FBXO31: variants seen among roughly 807,000 people sequenced by gnomAD.
The protein encoded by FBXO31 is F-box protein 31.
A neutral mutation model predicts 54.4 loss-of-function variants in FBXO31; 24 were observed. The ratio of observed to expected loss-of-function variants is 0.44; its 90% CI spans 0.32 to 0.62. FBXO31 has a LOEUF of 0.62. FBXO31 is among the 20% of genes least tolerant of loss of function. The pLI, the probability that FBXO31 is intolerant of heterozygous loss-of-function variation, is 0.05. For synonymous variants in FBXO31, 388 were observed against 335.6 expected, an observed-to-expected ratio of 1.16 and a Z score of -1.71; for missense variants, 665 against 787.1, an observed-to-expected ratio of 0.84 and a Z score of 1.86.
rs867803375 is a variant in FBXO31 at position 87,383,753 on chromosome 16, G to A, written c.-9C>T. ...CGAGCACACACCGCCATGCCGCCCAGTGACGGCCACTGCTGCCGCCTGTGC... is the reference window on the plus strand; with the variant it reads ...CGAGCACACACCGCCATGCCGCCCAATGACGGCCACTGCTGCCGCCTGTGC... On this transcript the variant is annotated 5_prime_UTR_variant, in exon 1 of 9. Transcript: ENST00000311635. This position sits in a 1 kb window ranked among gnomAD's most constrained non-coding sequence, Gnocchi z 4.9. 8.2e-5 allele frequency: 99 copies of A among 1,201,622 alleles called. 1 individual carries two copies. The African/African-American group carries it at 1.4e-3, about 17-fold the overall frequency. The allele number at this position is 1,201,622 out of a possible 1,614,324, so 74.4% of individuals were successfully genotyped here. A position where few individuals can be genotyped will look rare whatever the true frequency, so the allele number is the denominator to read the frequency against.
rs187880966 is a variant in FBXO31 at position 87,334,201 on chromosome 16, C to T, written c.1082G>A (p.Arg361His). Reference protein sequence around the residue: ...RIQLPDLENQRNFNELSRIVL... With the variant: ...RIQLPDLENQHNFNELSRIVL... Reference sequence around the variant, plus strand: ...GATGCGGGAGAGCTCATTGAAGTTGCGCTGGTTCTCGAGGTCGGGCAGCTG... The same window carrying T: ...GATGCGGGAGAGCTCATTGAAGTTGTGCTGGTTCTCGAGGTCGGGCAGCTG... The change falls in exon 8 of 9, where the codon CGC (arginine) becomes CAC (histidine). Residue 361 changes from arginine (R) to histidine (H), a missense_variant. By Grantham distance (29) the Arg-to-His change is conservative. This residue lies in a region of FBXO31 where 165 missense variants were observed against 159.7 expected (regional missense o/e 1.03). Transcript: ENST00000311635. 4.6e-5 allele frequency: 74 copies of T among 1,612,562 alleles called. No homozygotes were observed. In the Admixed American group the frequency reaches 6.8e-4, roughly 15 times the overall value.
At chr16:87,380,975 C>T (rs1907051233) in intron 1 of FBXO31, among the ~76,000 whole-genome samples, 1 of 152,202 alleles carries the variant, frequency 6.6e-6, no homozygotes, top group African/African-American at 2.4e-5. Flanking sequence ...ATATACCTTA[C>T]GGTTTCCCAA....
At position 87,334,335 on chromosome 16, in the gene FBXO31, G is replaced by C. The variant is rs200006477; in HGVS notation, c.997-49C>G. 3.8e-5 allele frequency: 56 copies of C among 1,488,840 alleles called. No individual in the cohort carries two copies. In the African/African-American group the frequency reaches 7.3e-4, roughly 19 times the overall value. 92.2% of individuals were successfully genotyped at this position (1,488,840 alleles called of 1,614,324 possible). On this transcript the variant is annotated intron_variant, in intron 7 of 8. Transcript: ENST00000311635. Reference sequence around the variant, plus strand: ...AGGGCTCAGGCCAGCAGCAGCAGCAGTACCACTGTGTGGGCTCCAGCCCAG... The same window carrying C: ...AGGGCTCAGGCCAGCAGCAGCAGCACTACCACTGTGTGGGCTCCAGCCCAG...
At chr16:87,347,120 T>A in intron 3 of FBXO31, 54 bp downstream of exon 3, 1 of 1,505,842 alleles carries the variant, frequency 6.6e-7, no homozygotes, top group Non-Finnish European at 9.2e-7. Flanking sequence ...TTCCTCCACG[T>A]AAGGCACCAC....
upstream of FBXO31, chr16:87,392,072 A>G (rs546235970): frequency 1.7e-3 from 374 of 219,840 alleles, 1 homozygote; most frequent in African/African-American, 8.2e-3. Flanking sequence ...GGCCCAGCCC[A>G]CAACCGTCAC....
intron 1 of FBXO31, among the ~76,000 whole-genome samples, chr16:87,370,446 C>T (rs62053110): frequency 6.6e-6 from 1 of 152,138 alleles, no homozygotes; most frequent in Admixed American, 6.5e-5. Context: ...TGGCAGGTGC[C>T]TGAGTGTGGA....
chr16:87,376,190 A>G (rs922457233), intron 1 of FBXO31, among the ~76,000 whole-genome samples: 3 of 152,172 alleles, frequency 2.0e-5, no homozygotes, highest in Non-Finnish European at 4.4e-5. Context: ...TGAAGCATTA[A>G]AAGACAGGCA....
chr16:87,362,701 C>G (rs1346669544), intron 1 of FBXO31: 1 of 152,258 alleles, frequency 6.6e-6, no homozygotes, highest in African/African-American at 2.4e-5. Flanking sequence ...GCTGGGCCTA[C>G]AGGCACACAA....
rs1567613905 is a variant in FBXO31 at position 87,336,258 on chromosome 16, GA to G, written c.738del (p.Arg247GlyfsTer4). On this transcript the variant is annotated frameshift_variant, in exon 6 of 9. Transcript: ENST00000311635. LOFTEE classifies it high-confidence loss of function. This position sits in a 1 kb window ranked among gnomAD's most constrained non-coding sequence, Gnocchi z 6.5. ...CCCCATTCCTCCCTCAGCCACGTCCGAAACTCCTTCCAAAAGAACACAGGTC... is the reference window on the plus strand; with the variant it reads ...CCCCATTCCTCCCTCAGCCACGTCCGAACTCCTTCCAAAAGAACACAGGTC... The part of the protein sequence containing the change: ...HRMSGGRQEE[F>X]RTWLREEWGR... 6.2e-7 allele frequency: 1 copy of G among 1,614,010 alleles called. No individual in the cohort carries two copies.
intron 1 of FBXO31, among the ~76,000 whole-genome samples, 184 bp from the exon 2 acceptor site, chr16:87,360,550 T>C (rs1276859932): frequency 6.6e-6 from 1 of 152,232 alleles, no homozygotes; most frequent in Non-Finnish European, 1.5e-5. Flanking sequence ...TGTTCACCGA[T>C]GAAGACATTA....
At position 87,328,064 on chromosome 16, in the gene FBXO31, G is replaced by A. The variant is rs563825683; in HGVS notation, c.*3224C>T. ...CGTTCTGAAGTAACAAAGGGGCTGA[G>A]GAGTTTCTGCTGCTGTCCGTGACTG... On this transcript the variant is annotated 3_prime_UTR_variant, in exon 9 of 9. Transcript: ENST00000311635. The A allele has an allele frequency of 2.0e-5, 3 of 152,276 alleles. No homozygotes were observed. Among genetic ancestry groups the A allele is most frequent in the African/African-American group, 2.4e-5 (1 of 41,450 alleles). 9.4% of individuals were successfully genotyped at this position (152,276 alleles called of 1,614,324 possible).
intron 1 of FBXO31, 106 bp from the exon 2 acceptor site, chr16:87,360,472 C>A (rs780118726): frequency 5.6e-5 from 49 of 874,368 alleles, no homozygotes; most frequent in South Asian, 9.8e-5. Context: ...CTAGCCTCAG[C>A]CCCATCTCCA....
chr16:87,361,270 G>C (rs1906119076), intron 1 of FBXO31, among the ~76,000 whole-genome samples: 1 of 152,234 alleles, frequency 6.6e-6, no homozygotes, highest in African/African-American at 2.4e-5. Context: ...TTTTAACAGA[G>C]AAAACAAGTG....
At chr16:87,368,910 C>T (rs949344992) in intron 1 of FBXO31, among the ~76,000 whole-genome samples, 1 of 152,164 alleles carries the variant, frequency 6.6e-6, no homozygotes, top group Non-Finnish European at 1.5e-5. Flanking sequence ...AGTGATTCTC[C>T]TGCCTCAGCC....
At chr16:87,390,661 C>G (rs1270280889), upstream of FBXO31, among the ~76,000 whole-genome samples, 1 of 151,992 alleles carries the variant, frequency 6.6e-6, no homozygotes, top group African/African-American at 2.4e-5. Context: ...AGGCTGGTCT[C>G]GAACTCTTGA....
intron 1 of FBXO31, among the ~76,000 whole-genome samples, chr16:87,366,711 G>A (rs560691863): frequency 1.4e-3 from 211 of 152,312 alleles, no homozygotes; most frequent in African/African-American, 5.0e-3. Context: ...AAGAGCTCCA[G>A]CCAACAGGAT....
At chr16:87,382,714 CCT>C (rs1208113186) in intron 1 of FBXO31, among the ~76,000 whole-genome samples, 1 of 152,174 alleles carries the variant, frequency 6.6e-6, no homozygotes, top group Non-Finnish European at 1.5e-5. Flanking sequence ...CTCAGTGCAA[CCT>C]CCGCCTCCCG....
At chr16:87,386,576 G>A (rs8054103), upstream of FBXO31, among the ~76,000 whole-genome samples, 55,616 of 152,108 alleles carry the variant, frequency 0.37, 13,118 homozygotes, top group Non-Finnish European at 0.55. Context: ...TGGGATTACA[G>A]GCGAGTGCCA....
At chr16:87,384,359 C>T (rs776579709), upstream of FBXO31, among the ~76,000 whole-genome samples, 1 of 152,202 alleles carries the variant, frequency 6.6e-6, no homozygotes, top group East Asian at 1.9e-4. Flanking sequence ...CAGGGACCTT[C>T]GGGGATCCCG....
Sources: gnomAD v4.1 joint callset for allele counts (sites outside exome capture counted in the v4.1 genomes callset) on GRCh38, gnomAD v4.1.1 for gene constraint, gnomAD v4.1.1 regional missense constraint, Gnocchi (gnomAD v3.1) non-coding constraint, MANE v1.5 for transcripts, NCBI Gene and HGNC (gene_info 2026-07-23, HGNC 2026-07-21) for gene names.